The following FSTL4 variants were observed in gnomAD, a reference collection of about 807,000 sequenced individuals.
FSTL4 encodes follistatin-related protein 4.
In FSTL4, 28 loss-of-function variants were observed where a neutral mutation model predicts 78.2. That is an observed-to-expected ratio of 0.36 (90% CI 0.27 to 0.49). The LOEUF is 0.49. FSTL4 is among the 20% of genes least tolerant of loss of function. FSTL4 has a pLI of 0.98. For synonymous variants in FSTL4, 422 were observed against 440.5 expected (o/e 0.96, Z 0.53); for missense variants, 922 against 1,084.9 (o/e 0.85, Z 2.11).
chr5:133,777,624 T>C, the FSTL4 span, among the ~76,000 whole-genome samples: 1 of 152,196 alleles, frequency 6.6e-6, no homozygotes, highest in African/African-American at 2.4e-5. Context: ...ACAAAGTTAA[T>C]ATTTATGGGA....
chr5:133,754,218 A>G, the FSTL4 span, among the ~76,000 whole-genome samples: 3 of 152,236 alleles, frequency 2.0e-5, no homozygotes, highest in African/African-American at 7.2e-5. Context: ...TCATTTTGTA[A>G]TAAGTTAGTG....
chr5:133,601,381 A>T (rs1760865045), intron 2 of FSTL4, among the ~76,000 whole-genome samples: 1 of 152,254 alleles, frequency 6.6e-6, no homozygotes, highest in Non-Finnish European at 1.5e-5. Context: ...AAACAAAAAG[A>T]GAAAGGAAGG....
chr5:133,390,053 G>T (rs1188564358), intron 4 of FSTL4, among the ~76,000 whole-genome samples: 1 of 152,196 alleles, frequency 6.6e-6, no homozygotes, highest in East Asian at 1.9e-4. Context: ...ACTGAAGGGG[G>T]CATGGAGTGC....
chr5:133,380,574 T>C (rs1755545086), intron 4 of FSTL4, among the ~76,000 whole-genome samples: 2 of 151,896 alleles, frequency 1.3e-5, no homozygotes, highest in Admixed American at 6.5e-5. Flanking sequence ...ATTAATTCAC[T>C]GGTAAATTCT....
chr5:133,741,598 A>G, the FSTL4 span, among the ~76,000 whole-genome samples: 1 of 152,216 alleles, frequency 6.6e-6, no homozygotes, highest in East Asian at 1.9e-4. Context: ...AAGAGCATCC[A>G]CTACATCACA....
At chr5:133,244,560 A>G (rs556128576) in intron 7 of FSTL4, 1 of 152,200 alleles carries the variant, frequency 6.6e-6, no homozygotes, top group Non-Finnish European at 1.5e-5. Context: ...TTTCTCATCA[A>G]ACAAACAGAA....
intron 6 of FSTL4, among the ~76,000 whole-genome samples, chr5:133,283,913 A>G (rs1753067936): frequency 6.6e-6 from 1 of 152,228 alleles, no homozygotes; most frequent in Non-Finnish European, 1.5e-5. Flanking sequence ...GCATGTCTTA[A>G]TATGGCAGAG....
chr5:133,212,612 G>C (rs749762441), intron 13 of FSTL4, among the ~76,000 whole-genome samples: 15 of 152,126 alleles, frequency 9.9e-5, no homozygotes, highest in Non-Finnish European at 2.1e-4. Context: ...AGACATGTGA[G>C]ACCCAATGGA....
At chr5:133,264,767 G>C (rs903280365) in intron 6 of FSTL4, among the ~76,000 whole-genome samples, 4 of 152,114 alleles carry the variant, frequency 2.6e-5, no homozygotes, top group African/African-American at 9.7e-5. Flanking sequence ...TTTGTCCAAG[G>C]ACAGGTCTTG....
the FSTL4 span, among the ~76,000 whole-genome samples, chr5:133,683,239 C>T: frequency 1.3e-5 from 2 of 152,170 alleles, no homozygotes; most frequent in Non-Finnish European, 2.9e-5. Context: ...GCAGGGAGGG[C>T]ACCAGTGGAC....
the FSTL4 span, among the ~76,000 whole-genome samples, chr5:133,716,365 T>C: frequency 6.9e-6 from 1 of 144,384 alleles, no homozygotes; most frequent in East Asian, 2.0e-4. Context: ...CCTCATCAGT[T>C]TATATAAGTT....
At chr5:133,511,229 TG>T (rs1758725336) in intron 3 of FSTL4, among the ~76,000 whole-genome samples, 1 of 152,222 alleles carries the variant, frequency 6.6e-6, no homozygotes, top group Non-Finnish European at 1.5e-5. Flanking sequence ...CCTGGGTCCC[TG>T]GTTAGGACAT....
chr5:133,413,416 A>T (rs1206120968), intron 3 of FSTL4, among the ~76,000 whole-genome samples: 1 of 152,058 alleles, frequency 6.6e-6, no homozygotes, highest in Non-Finnish European at 1.5e-5. Flanking sequence ...GTTACCTGAT[A>T]GCCTTTTCAT....
At chr5:133,456,945 G>A (rs1446590053) in intron 3 of FSTL4, among the ~76,000 whole-genome samples, 1 of 151,884 alleles carries the variant, frequency 6.6e-6, no homozygotes, top group Non-Finnish European at 1.5e-5. Context: ...TTGAATTTTT[G>A]CCCTTCAGAT....
the FSTL4 span, among the ~76,000 whole-genome samples, chr5:133,672,069 C>T: frequency 6.6e-6 from 1 of 152,218 alleles, no homozygotes; most frequent in Non-Finnish European, 1.5e-5. Flanking sequence ...GGTCGTACAA[C>T]TAGCAATGGC....
intron 6 of FSTL4, among the ~76,000 whole-genome samples, chr5:133,265,342 G>A (rs538216468): frequency 2.0e-5 from 3 of 152,312 alleles, no homozygotes; most frequent in Non-Finnish European, 4.4e-5. Context: ...ACCTCACAGA[G>A]GAGCTCAAAA....
chr5:133,618,679 T>C, the FSTL4 span, among the ~76,000 whole-genome samples: 2 of 152,240 alleles, frequency 1.3e-5, no homozygotes, highest in African/African-American at 4.8e-5. Context: ...CCTTATTGCA[T>C]AAATTAAGCT....
chr5:133,229,413 C>T (rs533313299), intron 8 of FSTL4, among the ~76,000 whole-genome samples: 53 of 151,890 alleles, frequency 3.5e-4, no homozygotes, highest in Middle Eastern at 3.2e-3. Context: ...ATCCCAGCTA[C>T]TTGGGAGGCT....
rs545552432 is a variant in FSTL4, at chr5:133,260,840, T to C, written c.728-11264A>G. On this transcript the variant is annotated intron_variant, in intron 6 of 15. Coordinates refer to ENST00000265342, the MANE Select transcript of FSTL4 (RefSeq NM_015082.2). ...GGACTTTGGCAGAGGGGTTCAGGAG[T>C]GGGGTTTGGAAGAGCCTCATCCCTC... Among the ~76,000 whole-genome samples, 3 of 151,204 alleles carry C rather than the reference T, an allele frequency of 2.0e-5. No individual in the cohort carries two copies. The South Asian group carries it at 6.3e-4, about 32-fold the overall frequency.
Sources: allele counts gnomAD v4.1 joint callset (sites outside exome capture counted in the v4.1 genomes callset), GRCh38; gene constraint gnomAD v4.1.1; transcripts MANE v1.5; gene names NCBI Gene and HGNC (gene_info 2026-07-23, HGNC 2026-07-21).